The following DPH6 variants were observed in gnomAD, a reference collection of about 807,000 sequenced individuals.
DPH6 encodes the protein diphthine--ammonia ligase.
A neutral mutation model predicts 38.2 loss-of-function variants in DPH6; 33 were observed. That is an observed-to-expected ratio of 0.86 (90% confidence interval 0.65 to 1.15). DPH6 has a LOEUF of 1.15. Ranked by LOEUF, DPH6 falls within the 50% of genes most tolerant of loss-of-function variation. DPH6 has a pLI of 0.00. For synonymous variants in DPH6, 108 were observed against 103.0 expected (o/e 1.05, Z -0.30); for missense variants, 325 against 320.0 (o/e 1.02, Z -0.12).
At chr15:35,154,496 A>G in the DPH6 span, among the ~76,000 whole-genome samples, 1 of 152,146 alleles carries the variant, frequency 6.6e-6, no homozygotes, top group African/African-American at 2.4e-5. Flanking sequence ...TAGGGCCTCA[A>G]CTGGTGGTAA....
At chr15:35,287,937 TA>T (rs549018903) in intron 3 of DPH6, among the ~76,000 whole-genome samples, 58 of 152,334 alleles carry the variant, frequency 3.8e-4, no homozygotes, top group South Asian at 8.3e-4. Flanking sequence ...AAGAAATTTC[TA>T]AATATCAAAG....
At chr15:35,318,560 C>T (rs1238244089) in intron 3 of DPH6, among the ~76,000 whole-genome samples, 2 of 152,002 alleles carry the variant, frequency 1.3e-5, no homozygotes, top group African/African-American at 4.8e-5. Flanking sequence ...GTGTGCTAGG[C>T]CATAAAGCAA....
intron 3 of DPH6, among the ~76,000 whole-genome samples, chr15:35,229,799 T>C (rs1303211504): frequency 1.3e-5 from 2 of 152,220 alleles, no homozygotes; most frequent in African/African-American, 2.4e-5. Context: ...TGTAGAGGTA[T>C]ACTGCCTTGA....
At chr15:35,237,408 G>A in intron 3 of DPH6, 3 of 1,605,188 alleles carry the variant, frequency 1.9e-6, no homozygotes, top group East Asian at 2.2e-5. Flanking sequence ...GACAACAGTC[G>A]GTCGAATGAA....
intron 3 of DPH6, among the ~76,000 whole-genome samples, chr15:35,483,968 C>A (rs1405475307): frequency 6.6e-6 from 1 of 152,076 alleles, no homozygotes; most frequent in Non-Finnish European, 1.5e-5. Flanking sequence ...ATGAAATGTT[C>A]AAAAGAAGCA....
chr15:35,409,599 T>C (rs2053338668), intron 6 of DPH6, among the ~76,000 whole-genome samples: 2 of 152,120 alleles, frequency 1.3e-5, no homozygotes, highest in South Asian at 2.1e-4. Context: ...CTTTGGCTAA[T>C]GCCACAGTCT....
intron 3 of DPH6, among the ~76,000 whole-genome samples, chr15:35,244,396 G>C (rs1161895335): frequency 2.0e-5 from 3 of 152,168 alleles, no homozygotes; most frequent in East Asian, 1.9e-4. Context: ...CTTCCTGAAT[G>C]ATTGATTGGT....
intron 3 of DPH6, among the ~76,000 whole-genome samples, chr15:35,344,318 A>G (rs2052444994): frequency 6.6e-6 from 1 of 151,972 alleles, no homozygotes; most frequent in Admixed American, 6.6e-5. Flanking sequence ...GCCTCATTAT[A>G]CACAATAGAA....
the DPH6 span, among the ~76,000 whole-genome samples, chr15:35,159,238 T>C: frequency 6.6e-6 from 1 of 152,122 alleles, no homozygotes; most frequent in Non-Finnish European, 1.5e-5. Context: ...CTGCGTTTTC[T>C]TTCTTTACAA....
intron 3 of DPH6, among the ~76,000 whole-genome samples, chr15:35,311,484 C>T (rs72708945): frequency 0.035 from 5,271 of 152,132 alleles, 279 homozygotes; most frequent in African/African-American, 0.12. Flanking sequence ...AATTTGTCTA[C>T]AATAAAGCTA....
chr15:35,320,586 C>T (rs978447970), intron 3 of DPH6, among the ~76,000 whole-genome samples: 3 of 152,156 alleles, frequency 2.0e-5, no homozygotes, highest in Non-Finnish European at 4.4e-5. Flanking sequence ...AGCTGGCTTC[C>T]CAGACACAGC....
chr15:35,176,911 G>T, the DPH6 span, among the ~76,000 whole-genome samples: 1 of 152,196 alleles, frequency 6.6e-6, no homozygotes, highest in Non-Finnish European at 1.5e-5. Context: ...AAAGACTAAT[G>T]ATTCTCTGCA....
At chr15:35,268,203 ATAAATAAATAAAT>A (rs1297453935) in intron 3 of DPH6, among the ~76,000 whole-genome samples, 39 of 149,478 alleles carry the variant, frequency 2.6e-4, no homozygotes, top group African/African-American at 9.3e-4. Context: ...AAATAAATAA[ATAAATAAATAAAT>A]AAAAGAAAAC....
chr15:35,464,532 T>C (rs2054105213), intron 3 of DPH6, among the ~76,000 whole-genome samples: 1 of 152,192 alleles, frequency 6.6e-6, no homozygotes, highest in South Asian at 2.1e-4. Flanking sequence ...AAAATAGCAT[T>C]TATGTATAAA....
intron 3 of DPH6, among the ~76,000 whole-genome samples, chr15:35,306,387 C>T (rs946604176): frequency 3.9e-5 from 6 of 152,254 alleles, no homozygotes; most frequent in Middle Eastern, 3.4e-3. Flanking sequence ...TATGCTTACT[C>T]TTATTGGGAG....
intron 3 of DPH6, among the ~76,000 whole-genome samples, chr15:35,270,035 G>C (rs181895247): frequency 1.3e-5 from 2 of 151,568 alleles, no homozygotes; most frequent in Admixed American, 6.6e-5. Context: ...TCCTGACCTC[G>C]TGATCCGCCC....
downstream of DPH6, among the ~76,000 whole-genome samples, chr15:35,326,544 A>G (rs188715491): frequency 5.3e-5 from 8 of 152,104 alleles, no homozygotes; most frequent in African/African-American, 1.9e-4. Context: ...CGATCCTCCT[A>G]CCTCAGCATC....
At chr15:35,313,137 G>T (rs2052158635) in intron 3 of DPH6, among the ~76,000 whole-genome samples, 1 of 152,068 alleles carries the variant, frequency 6.6e-6, no homozygotes, top group Admixed American at 6.6e-5. Context: ...GAAGGCTGAG[G>T]CAGGAGAATG....
intron 3 of DPH6, among the ~76,000 whole-genome samples, chr15:35,324,175 G>C (rs1480014443): frequency 6.6e-6 from 1 of 152,132 alleles, no homozygotes; most frequent in African/African-American, 2.4e-5. Flanking sequence ...ACAGTGCCCA[G>C]CATATGGTAG....
Sources: gnomAD v4.1 joint callset for allele counts (sites outside exome capture counted in the v4.1 genomes callset) on GRCh38, gnomAD v4.1.1 for gene constraint, MANE v1.5 for transcripts, NCBI Gene and HGNC (gene_info 2026-07-23, HGNC 2026-07-21) for gene names.